Variants in NPAS3 observed in about 807,000 individuals in gnomAD.
The protein encoded by NPAS3 is neuronal PAS domain-containing protein 3.
NPAS3 carries 14 observed loss-of-function variants against 73.1 expected under a neutral mutation model. That is an observed-to-expected ratio of 0.19 (90% CI 0.13 to 0.30). The LOEUF is 0.30. Ranked by LOEUF, NPAS3 falls within the 10% of genes least tolerant of loss-of-function variation. The pLI is 1.00. For synonymous variants in NPAS3, 620 were observed against 541.5 expected, an observed-to-expected ratio of 1.14 and a Z score of -2.01; for missense variants, 1,096 against 1,250.0, an observed-to-expected ratio of 0.88 and a Z score of 1.86.
At position 33,687,788 on chromosome 14, in the gene NPAS3, T is replaced by C. The variant is rs141918687; in HGVS notation, c.733+11403T>C. ...ACTCATTTAATTTATTATGAATGCATGCGCCAGGCTTTGTCCTAGATTCCG... is the reference window on the plus strand; with the variant it reads ...ACTCATTTAATTTATTATGAATGCACGCGCCAGGCTTTGTCCTAGATTCCG... On this transcript the variant is annotated intron_variant, in intron 6 of 11. Coordinates refer to ENST00000356141, the Ensembl canonical transcript of NPAS3. 6.2e-4 allele frequency among the ~76,000 whole-genome samples: 94 copies of C among 152,334 alleles called. 1 individual carries two copies. The East Asian group carries it at 0.016, about 27-fold the overall frequency.
intron 9 of NPAS3, among the ~76,000 whole-genome samples, chr14:33,791,235 C>A (rs999741457): frequency 6.6e-6 from 1 of 152,194 alleles, no homozygotes; most frequent in Non-Finnish European, 1.5e-5. Context: ...AAGTCAAGGG[C>A]TATCACGTGG....
At chr14:33,187,424 G>A (rs1043925148) in intron 2 of NPAS3, among the ~76,000 whole-genome samples, 8 of 152,182 alleles carry the variant, frequency 5.3e-5, no homozygotes, top group African/African-American at 1.9e-4. Flanking sequence ...TATTGTGCAT[G>A]AGGAGTGCTT....
chr14:33,783,366 G>C (rs1211305498), intron 9 of NPAS3, among the ~76,000 whole-genome samples: 2 of 152,102 alleles, frequency 1.3e-5, no homozygotes, highest in African/African-American at 4.8e-5. Flanking sequence ...TCATTGGCTG[G>C]ACTCTTCCCA....
At chr14:33,458,572 C>T (rs2050120652) in intron 4 of NPAS3, among the ~76,000 whole-genome samples, 1 of 152,172 alleles carries the variant, frequency 6.6e-6, no homozygotes, top group African/African-American at 2.4e-5. Flanking sequence ...GGAAACATAA[C>T]ATTAGCATGT....
At chr14:33,366,310 A>C (rs2045839983) in intron 3 of NPAS3, among the ~76,000 whole-genome samples, 1 of 151,408 alleles carries the variant, frequency 6.6e-6, no homozygotes, top group Non-Finnish European at 1.5e-5. Flanking sequence ...GTTTAACATA[A>C]ATTGGAACCC....
At chr14:33,303,419 A>T (rs1393625957) in intron 3 of NPAS3, among the ~76,000 whole-genome samples, 1 of 148,162 alleles carries the variant, frequency 6.7e-6, no homozygotes, top group Non-Finnish European at 1.5e-5. Flanking sequence ...TAAATTTCTA[A>T]CTCTTATTCA....
At chr14:33,616,227 C>T (rs1229559273) in intron 5 of NPAS3, among the ~76,000 whole-genome samples, 11 of 152,112 alleles carry the variant, frequency 7.2e-5, no homozygotes, top group Non-Finnish European at 1.0e-4. Context: ...TAGAAAGAGT[C>T]GATGCATTCT....
chr14:33,088,811 C>T (rs1304543778), intron 2 of NPAS3, among the ~76,000 whole-genome samples: 1 of 152,204 alleles, frequency 6.6e-6, no homozygotes, highest in Non-Finnish European at 1.5e-5. Context: ...TGGCCGGTTA[C>T]CCCTCTGAGA....
At chr14:33,638,188 T>C (rs1243024465) in intron 5 of NPAS3, among the ~76,000 whole-genome samples, 1 of 152,254 alleles carries the variant, frequency 6.6e-6, no homozygotes, top group Non-Finnish European at 1.5e-5. Flanking sequence ...TAATCAAATT[T>C]TTCCTTTTTA....
chr14:33,426,669 T>C (rs572730065), intron 4 of NPAS3, among the ~76,000 whole-genome samples: 1 of 152,092 alleles, frequency 6.6e-6, no homozygotes, highest in African/African-American at 2.4e-5. Flanking sequence ...AGAGTGCAGA[T>C]GGGGTACAGG....
chr14:33,572,933 G>A (rs2139828698), intron 5 of NPAS3, among the ~76,000 whole-genome samples: 1 of 145,696 alleles, frequency 6.9e-6, no homozygotes, highest in South Asian at 2.2e-4. Flanking sequence ...TGAGGCAGGA[G>A]AATCGCTTAA....
At chr14:33,531,185 T>C (rs1007384193) in intron 4 of NPAS3, among the ~76,000 whole-genome samples, 2 of 152,120 alleles carry the variant, frequency 1.3e-5, no homozygotes, top group Non-Finnish European at 2.9e-5. Flanking sequence ...AGTGTGGGTC[T>C]TAAAATAGGC....
chr14:33,644,803 C>A (rs2058774967), intron 5 of NPAS3, among the ~76,000 whole-genome samples: 1 of 152,080 alleles, frequency 6.6e-6, no homozygotes, highest in Admixed American at 6.6e-5. Flanking sequence ...AAAGATGAGG[C>A]CGGATGTGGT....
At chr14:33,003,070 CTTT>C (rs76957822) in intron 1 of NPAS3, among the ~76,000 whole-genome samples, 40 of 141,324 alleles carry the variant, frequency 2.8e-4, no homozygotes, top group African/African-American at 9.0e-4. Context: ...ATTTTTGTTT[CTTT>C]TTTTTTTTTC....
chr14:33,261,523 A>G (rs1300832091), intron 3 of NPAS3, among the ~76,000 whole-genome samples: 1 of 152,124 alleles, frequency 6.6e-6, no homozygotes, highest in Non-Finnish European at 1.5e-5. Flanking sequence ...TAAAAAATAT[A>G]TATGTATTTA....
intron 5 of NPAS3, among the ~76,000 whole-genome samples, chr14:33,652,184 A>G (rs1428986255): frequency 6.6e-6 from 1 of 151,072 alleles, no homozygotes; most frequent in African/African-American, 2.5e-5. Context: ...GTATTCTCAT[A>G]AAATTATCTT....
chr14:33,470,483 A>T (rs2050732498), intron 4 of NPAS3, among the ~76,000 whole-genome samples: 1 of 152,220 alleles, frequency 6.6e-6, no homozygotes, highest in South Asian at 2.1e-4. Flanking sequence ...TAACTGTCCA[A>T]AGAATCAAGT....
At chr14:32,998,795 T>C (rs985888496) in intron 1 of NPAS3, among the ~76,000 whole-genome samples, 6 of 152,222 alleles carry the variant, frequency 3.9e-5, no homozygotes, top group Admixed American at 6.5e-5. Flanking sequence ...TCTTTCTTGG[T>C]GAAGAACAGT....
At chr14:33,567,050 G>T (rs1190406054) in intron 5 of NPAS3, among the ~76,000 whole-genome samples, 1 of 152,156 alleles carries the variant, frequency 6.6e-6, no homozygotes, top group Non-Finnish European at 1.5e-5. Flanking sequence ...GAATTTTTCT[G>T]TTGATATGTA....
Sources: gnomAD v4.1 joint callset for allele counts (sites outside exome capture counted in the v4.1 genomes callset) on GRCh38, gnomAD v4.1.1 for gene constraint, MANE v1.5 for transcripts, NCBI Gene and HGNC (gene_info 2026-07-23, HGNC 2026-07-21) for gene names.